The following NFIB variants were observed in gnomAD, a reference collection of about 807,000 sequenced individuals.
NFIB encodes the protein nuclear factor I B, also known as nuclear factor 1 B-type.
NFIB carries 11 observed loss-of-function variants against 61.5 expected under a neutral mutation model. That is an observed-to-expected ratio of 0.18 (90% CI 0.11 to 0.30). The LOEUF (loss-of-function observed/expected upper bound fraction) is 0.30, where lower values mean the gene tolerates loss of function less well. Ranked by LOEUF, NFIB falls within the 10% of genes least tolerant of loss-of-function variation. NFIB has a pLI of 1.00. For missense variants in NFIB, 471 were observed against 608.9 expected (o/e 0.77, Z 2.38); for synonymous variants, 260 against 216.5 (o/e 1.20, Z -1.76).
chr9:14,338,190 C>A (rs978475204), intron 1 of NFIB, among the ~76,000 whole-genome samples: 3 of 151,996 alleles, frequency 2.0e-5, no homozygotes, highest in Admixed American at 6.5e-5. Flanking sequence ...GTCAGAAGAT[C>A]GAGACCATCC....
chr9:14,405,796 A>G, the NFIB span, among the ~76,000 whole-genome samples: 1 of 152,216 alleles, frequency 6.6e-6, no homozygotes, highest in African/African-American at 2.4e-5. Context: ...AAGTCTTCCT[A>G]TTTAGCCCCG....
At chr9:14,199,270 G>C (rs894133689) in intron 2 of NFIB, among the ~76,000 whole-genome samples, 8 of 152,252 alleles carry the variant, frequency 5.3e-5, no homozygotes, top group Non-Finnish European at 1.2e-4. Context: ...AGGACACAAA[G>C]AGGAAGACAG....
intron 2 of NFIB, among the ~76,000 whole-genome samples, chr9:14,220,811 T>C (rs1251220410): frequency 6.8e-6 from 1 of 147,548 alleles, no homozygotes; most frequent in Non-Finnish European, 1.5e-5. Context: ...ACCCGAAGTT[T>C]CTGCTCTATA....
chr9:14,427,942 T>TTTTTGTTG, the NFIB span, among the ~76,000 whole-genome samples: 2 of 77,844 alleles, frequency 2.6e-5, no homozygotes, highest in African/African-American at 1.5e-4. Context: ...CAGTTGTTTT[T>TTTTTGTTG]TTTTTTTTTT....
intron 3 of NFIB, among the ~76,000 whole-genome samples, chr9:14,175,167 CTTTT>C (rs55765054): frequency 7.9e-6 from 1 of 126,034 alleles, no homozygotes; most frequent in African/African-American, 3.3e-5. Context: ...TAAAGAATTT[CTTTT>C]TTTTTTTTTT....
intron 5 of NFIB, among the ~76,000 whole-genome samples, chr9:14,147,963 G>A (rs1423405344): frequency 6.6e-6 from 1 of 151,816 alleles, no homozygotes; most frequent in Non-Finnish European, 1.5e-5. Context: ...TTTTAATATG[G>A]AAATATGACT....
At chr9:14,173,016 C>T (rs931680464) in intron 3 of NFIB, among the ~76,000 whole-genome samples, 2 of 152,190 alleles carry the variant, frequency 1.3e-5, no homozygotes, top group Non-Finnish European at 2.9e-5. Context: ...GATCTGCCCG[C>T]CTCAGCCTAT....
chr9:14,113,176 C>CA, intron 9 of NFIB, 95 bp from the exon 10 acceptor site: 1 of 1,021,794 alleles, frequency 9.8e-7, no homozygotes, highest in South Asian at 2.0e-5. Flanking sequence ...GTGGGATTTG[C>CA]AACCAAAAAA....
intron 2 of NFIB, among the ~76,000 whole-genome samples, chr9:14,232,974 G>C (rs1031459910): frequency 6.6e-6 from 1 of 152,168 alleles, no homozygotes; most frequent in Non-Finnish European, 1.5e-5. Context: ...AGTGGGACAG[G>C]TCAAGAGGGC....
At chr9:14,136,024 TA>T (rs572339087) in intron 6 of NFIB, among the ~76,000 whole-genome samples, 1 of 152,238 alleles carries the variant, frequency 6.6e-6, no homozygotes, top group Admixed American at 6.5e-5. Flanking sequence ...CACTTCGCTA[TA>T]AAAAAGGTCT....
chr9:14,321,142 C>G (rs2060649599), intron 1 of NFIB, among the ~76,000 whole-genome samples: 1 of 152,172 alleles, frequency 6.6e-6, no homozygotes, highest in Non-Finnish European at 1.5e-5. Flanking sequence ...ACTTCACATT[C>G]AACCACAACT....
intron 1 of NFIB, among the ~76,000 whole-genome samples, chr9:14,374,164 C>A (rs1189654844): frequency 6.6e-6 from 1 of 152,146 alleles, no homozygotes; most frequent in Non-Finnish European, 1.5e-5. Context: ...CCAAGGCTTT[C>A]AAAAATCCTT....
chr9:14,379,872 G>A (rs534647402), intron 1 of NFIB, among the ~76,000 whole-genome samples: 7 of 151,816 alleles, frequency 4.6e-5, no homozygotes, highest in Non-Finnish European at 1.0e-4. Context: ...TAGTAGAGAC[G>A]GGGTTTCACC....
chr9:14,259,986 T>C (rs563207241), intron 2 of NFIB, among the ~76,000 whole-genome samples: 63 of 152,292 alleles, frequency 4.1e-4, no homozygotes, highest in African/African-American at 1.5e-3. Context: ...TGCTGAGAAG[T>C]AGGCCTCCAA....
intron 6 of NFIB, among the ~76,000 whole-genome samples, chr9:14,140,572 C>G (rs2041576298): frequency 1.3e-5 from 2 of 152,238 alleles, no homozygotes; most frequent in South Asian, 4.1e-4. Flanking sequence ...TACAAAAAAA[C>G]TTTGCAAATT....
At chr9:14,483,209 G>A in the NFIB span, among the ~76,000 whole-genome samples, 2 of 152,168 alleles carry the variant, frequency 1.3e-5, no homozygotes, top group Admixed American at 6.5e-5. Flanking sequence ...CTTTTAGTTT[G>A]TGACTAAAAT....
chr9:14,115,525 T>C (rs931067093), intron 9 of NFIB, among the ~76,000 whole-genome samples: 4 of 152,242 alleles, frequency 2.6e-5, no homozygotes, highest in South Asian at 4.1e-4. Flanking sequence ...GTTAGGAAGG[T>C]TCACTGGCTA....
At chr9:14,237,256 T>C (rs1031314195) in intron 2 of NFIB, among the ~76,000 whole-genome samples, 1 of 152,170 alleles carries the variant, frequency 6.6e-6, no homozygotes, top group Non-Finnish European at 1.5e-5. Context: ...ATCTAAAACT[T>C]CCAATGCTCT....
upstream of NFIB, among the ~76,000 whole-genome samples, chr9:14,315,542 G>A (rs1457618597): frequency 4.9e-5 from 7 of 142,502 alleles, no homozygotes; most frequent in South Asian, 1.1e-3. Context: ...CCGGGGCTGC[G>A]GGGCGGGCCG....
Sources: allele counts gnomAD v4.1 joint callset (sites outside exome capture counted in the v4.1 genomes callset), GRCh38; gene constraint gnomAD v4.1.1; transcripts MANE v1.5; gene names NCBI Gene and HGNC (gene_info 2026-07-23, HGNC 2026-07-21).